Variants in SNX29 observed in about 807,000 individuals in gnomAD.
The protein encoded by SNX29 is sorting nexin-29.
In SNX29, 78 loss-of-function variants were observed where a neutral mutation model predicts 102.1. That is an observed-to-expected ratio of 0.76 (90% CI 0.64 to 0.92). SNX29 has a LOEUF of 0.92. SNX29 is among the 40% of genes least tolerant of loss of function. The probability of loss-of-function intolerance (pLI) is 0.00; values close to 1 mark genes in which losing one functional copy is unlikely to be tolerated. For synonymous variants in SNX29, 580 were observed against 414.5 expected (o/e 1.40, Z -4.85); for missense variants, 1,280 against 1,061.7 (o/e 1.21, Z -2.86).
intron 19 of SNX29, among the ~76,000 whole-genome samples, chr16:12,481,594 G>A (rs1279693875): frequency 6.6e-6 from 1 of 150,844 alleles, no homozygotes; most frequent in Non-Finnish European, 1.5e-5. Context: ...GAGTGCAGTG[G>A]CACAATTTCA....
intron 14 of SNX29, among the ~76,000 whole-genome samples, chr16:12,203,895 A>C (rs1425667338): frequency 2.0e-5 from 3 of 152,176 alleles, no homozygotes. Context: ...GGTAGTGAAC[A>C]TCTGTGTCCT....
rs573363433 is a variant in SNX29 at position 12,397,669 on chromosome 16, T to C, written c.1900-777T>C. ...GCTCATTCCCTGGGTATGAGAAAAA[T>C]ATCAACATTTATTGAACATCTACCA... On this transcript the variant is annotated intron_variant, in intron 16 of 20. Coordinates refer to ENST00000566228, the MANE Select transcript of SNX29 (RefSeq NM_032167.5). 8.5e-5 allele frequency among the ~76,000 whole-genome samples: 13 copies of C among 152,252 alleles called. No homozygotes were observed. In the South Asian group the frequency reaches 2.7e-3, roughly 32 times the overall value.
At chr16:12,538,482 A>G (rs1235358417) in intron 20 of SNX29, among the ~76,000 whole-genome samples, 1 of 152,192 alleles carries the variant, frequency 6.6e-6, no homozygotes, top group Admixed American at 6.5e-5. Flanking sequence ...GATGCTGTGT[A>G]ACATACATCT....
At chr16:12,069,182 C>G (rs1324647063) in intron 10 of SNX29, 50 bp downstream of exon 10, 1 of 1,482,644 alleles carries the variant, frequency 6.7e-7, no homozygotes, top group South Asian at 1.2e-5. Context: ...ATCCTATTCA[C>G]AGCTGTGCAT....
chr16:12,337,756 C>G (rs2081495441), intron 15 of SNX29, among the ~76,000 whole-genome samples: 1 of 152,092 alleles, frequency 6.6e-6, no homozygotes, highest in Admixed American at 6.5e-5. Context: ...TTTCCCTGGC[C>G]GAGTGAGGAC....
chr16:12,475,616 C>A (rs1007052491), intron 18 of SNX29, among the ~76,000 whole-genome samples: 2 of 152,204 alleles, frequency 1.3e-5, no homozygotes, highest in Non-Finnish European at 2.9e-5. Flanking sequence ...TCAACCTGTT[C>A]AGAACACTTA....
At chr16:12,564,729 C>T (rs767371328) in intron 20 of SNX29, among the ~76,000 whole-genome samples, 6 of 152,012 alleles carry the variant, frequency 3.9e-5, no homozygotes, top group African/African-American at 1.2e-4. Context: ...TATAAAAATG[C>T]AGTTGTGCCT....
intron 18 of SNX29, among the ~76,000 whole-genome samples, chr16:12,477,081 C>G (rs958450198): frequency 6.6e-5 from 10 of 152,216 alleles, no homozygotes; most frequent in Non-Finnish European, 1.5e-5. Flanking sequence ...GCTGATGAAA[C>G]AGCCCTTACA....
chr16:12,151,379 G>A (rs945406252), intron 13 of SNX29, among the ~76,000 whole-genome samples: 5 of 152,130 alleles, frequency 3.3e-5, no homozygotes, highest in African/African-American at 1.2e-4. Flanking sequence ...GTTTACAGTG[G>A]CTTTGTTTGA....
At chr16:12,313,238 T>C (rs1355323228) in intron 15 of SNX29, among the ~76,000 whole-genome samples, 1 of 152,124 alleles carries the variant, frequency 6.6e-6, no homozygotes, top group East Asian at 1.9e-4. Context: ...GGTCTTGAAC[T>C]CCCAACCTTA....
intron 20 of SNX29, chr16:12,556,466 C>G (rs1034155002): frequency 6.6e-6 from 1 of 152,238 alleles, no homozygotes; most frequent in African/African-American, 2.4e-5. Flanking sequence ...AGGCGAAGGC[C>G]AAAAGCACAA....
At chr16:12,538,027 A>G (rs1161718849) in intron 20 of SNX29, among the ~76,000 whole-genome samples, 2 of 152,076 alleles carry the variant, frequency 1.3e-5, no homozygotes, top group Non-Finnish European at 2.9e-5. Flanking sequence ...ATAGACCAAA[A>G]TCGTCCTGTC....
chr16:12,062,198 G>A (rs1186260250), intron 9 of SNX29, among the ~76,000 whole-genome samples: 1 of 151,922 alleles, frequency 6.6e-6, no homozygotes, highest in Non-Finnish European at 1.5e-5. Flanking sequence ...GGCCAACATG[G>A]TGAAGCCCTG....
chr16:12,090,042 G>A (rs984961937), intron 11 of SNX29: 1 of 156,626 alleles, frequency 6.4e-6, no homozygotes, highest in South Asian at 1.6e-4. Context: ...GCGTCCCAGC[G>A]GGGAGTTCTG....
At chr16:12,322,645 C>T (rs1381814067) in intron 15 of SNX29, among the ~76,000 whole-genome samples, 1 of 152,114 alleles carries the variant, frequency 6.6e-6, no homozygotes, top group African/African-American at 2.4e-5. Flanking sequence ...GTGCTGGAGA[C>T]CTCTATTAGG....
chr16:12,382,693 G>A (rs1281849067), intron 16 of SNX29, among the ~76,000 whole-genome samples: 1 of 152,212 alleles, frequency 6.6e-6, no homozygotes, highest in Non-Finnish European at 1.5e-5. Context: ...GGCAATCACG[G>A]TGCCAGCAGT....
chr16:12,170,410 C>G (rs1024951860), intron 13 of SNX29, among the ~76,000 whole-genome samples: 3 of 152,010 alleles, frequency 2.0e-5, no homozygotes, highest in Non-Finnish European at 4.4e-5. Flanking sequence ...AAAGCCAGCT[C>G]TGGGTCTCCT....
intron 11 of SNX29, among the ~76,000 whole-genome samples, chr16:12,112,007 G>C (rs1045678010): frequency 6.6e-6 from 1 of 152,208 alleles, no homozygotes; most frequent in African/African-American, 2.4e-5. Flanking sequence ...ATCGTTCCCA[G>C]GGCTCTGCTG....
chr16:12,535,241 C>A (rs118106197), intron 20 of SNX29, among the ~76,000 whole-genome samples: 5 of 152,136 alleles, frequency 3.3e-5, no homozygotes, highest in Admixed American at 2.0e-4. Context: ...TGGGCTCAAG[C>A]GACTTTTGTG....
Sources: gnomAD v4.1 joint callset for allele counts (sites outside exome capture counted in the v4.1 genomes callset) on GRCh38, gnomAD v4.1.1 for gene constraint, MANE v1.5 for transcripts, NCBI Gene and HGNC (gene_info 2026-07-23, HGNC 2026-07-21) for gene names.